The following PLAGL1 variants were observed in gnomAD, a reference collection of about 807,000 sequenced individuals.
The protein encoded by PLAGL1 is PLAG1 like zinc finger 1.
In PLAGL1, 1 loss-of-function variant was observed where a neutral mutation model predicts 4.6. The observed-to-expected ratio is 0.22, with a 90% confidence interval of 0.08 to 1.03. The LOEUF is 1.03. PLAGL1 is among the 50% of genes least tolerant of loss of function. The pLI is 0.58. For missense variants in PLAGL1, 464 were observed against 570.4 expected (o/e 0.81, Z 1.90); for synonymous variants, 240 against 237.8 (o/e 1.01, Z -0.08).
chr6:143,992,315 C>G (rs1344655995), intron 1 of PLAGL1, among the ~76,000 whole-genome samples: 1 of 152,150 alleles, frequency 6.6e-6, no homozygotes, highest in Non-Finnish European at 1.5e-5. Flanking sequence ...AAAGGTGGTA[C>G]AATCACAGGC....
Position 144,034,477 on chromosome 6 carries a change from A to C in PLAGL1, c.-151+29991T>G, listed in dbSNP as rs568305651. Among the ~76,000 whole-genome samples, 21 of 152,342 alleles carry C rather than the reference A, an allele frequency of 1.4e-4. 1 individual carries two copies. The South Asian group carries it at 4.3e-3, about 32-fold the overall frequency. On this transcript the variant is annotated intron_variant, in intron 1 of 3. Coordinates refer to the PLAGL1 transcript ENST00000437412. The surrounding 1 kb of genome is among the most constrained non-coding windows in gnomAD (Gnocchi z 4.7). ...CTTTTAGTGTTTGTTTCTCTTCAAG[A>C]AAATAAAACACTTATTTGTTTCCTT...
At chr6:144,044,142 GA>G (rs1364879480) in intron 1 of PLAGL1, among the ~76,000 whole-genome samples, 4 of 152,060 alleles carry the variant, frequency 2.6e-5, no homozygotes, top group Non-Finnish European at 5.9e-5. Context: ...TGGATTCATT[GA>G]TTTTTTTGAA....
Position 144,036,270 on chromosome 6 carries a change from A to T in PLAGL1, c.-151+28198T>A, listed in dbSNP as rs566791505. On this transcript the variant is annotated intron_variant, in intron 1 of 3. Coordinates refer to the PLAGL1 transcript ENST00000437412. The surrounding 1 kb of genome is among the most constrained non-coding windows in gnomAD (Gnocchi z 5.1). ...AGGCTATTTCATCTTTGCCAGTTTC[A>T]TTTTAGGAAACACAAGCCTTATAAC... Among the ~76,000 whole-genome samples, 2 of 152,262 alleles carry T rather than the reference A, an allele frequency of 1.3e-5. No individual in the cohort carries two copies. Among genetic ancestry groups the T allele is most frequent in the Non-Finnish European group, 2.9e-5 (2 of 68,008 alleles).
chr6:143,993,944 C>T (rs1791098171), intron 1 of PLAGL1, among the ~76,000 whole-genome samples: 1 of 152,068 alleles, frequency 6.6e-6, no homozygotes, highest in African/African-American at 2.4e-5. Context: ...TTAAAACGAT[C>T]CTTTGGCCCC....
In PLAGL1 at chr6:143,955,889, T is replaced by C. The variant is rs1218145414; in HGVS notation, c.-325+4580A>G. On this transcript the variant is annotated intron_variant, in intron 6 of 7. Transcript: ENST00000674357. This position sits in a 1 kb window ranked among gnomAD's most constrained non-coding sequence, Gnocchi z 4.9. ...GTAAACAGAATAACTGGATTAGGAC[T>C]GAGGTTAGGGGAAAGAGGGAATGGT... Among the ~76,000 whole-genome samples the C allele has an allele frequency of 6.6e-6, 1 of 152,066 alleles. No homozygotes were observed. Among genetic ancestry groups the C allele is most frequent in the Admixed American group, 6.5e-5 (1 of 15,280 alleles).
intron 1 of PLAGL1, among the ~76,000 whole-genome samples, chr6:144,014,831 C>T (rs961165838): frequency 1.4e-4 from 21 of 152,082 alleles, no homozygotes; most frequent in Admixed American, 3.9e-4. Context: ...CTGAGCACCT[C>T]GGCCTCCCAA....
chr6:144,009,926 C>G (rs11759634), upstream of PLAGL1, among the ~76,000 whole-genome samples: 4 of 152,146 alleles, frequency 2.6e-5, no homozygotes, highest in Admixed American at 2.6e-4. Context: ...CACCAATGGC[C>G]ATTTGGGTTG....
chr6:144,027,234 CGAAAGAAAG>C lies in PLAGL1; in HGVS notation c.-151+37225_-151+37233del, dbSNP rs1195796003. Among the ~76,000 whole-genome samples, 1 of 111,632 alleles carries C rather than the reference CGAAAGAAAG, an allele frequency of 9.0e-6. No individual in the cohort carries two copies. Among genetic ancestry groups the C allele is most frequent in the East Asian group, 2.4e-4 (1 of 4,220 alleles). The allele number at this position is 111,632 out of a possible 152,430, so 73.2% of individuals were successfully genotyped here. ...GAAAGACCCCAACTCAAAGAACGAA[CGAAAGAAAG>C]AAAGAAAGAAAGAAAGAAAGAAAGA... is the stretch of plus-strand genomic sequence containing the variant. On this transcript the variant is annotated intron_variant, in intron 1 of 3. Coordinates refer to the PLAGL1 transcript ENST00000437412. The surrounding 1 kb of genome is among the most constrained non-coding windows in gnomAD (Gnocchi z 5.8).
At position 144,013,574 on chromosome 6, in the gene PLAGL1, A is replaced by G. The variant is rs139978452; in HGVS notation, c.-150-44596T>C. ...CCGAAAGGCCAGAAGTCTGAAATCA[A>G]GATATCAGCAAAGGCCGCAGGCGCC... On this transcript the variant is annotated intron_variant, in intron 1 of 3. Transcript: ENST00000437412. The surrounding 1 kb of genome is among the most constrained non-coding windows in gnomAD (Gnocchi z 4.4). Among the ~76,000 whole-genome samples, 718 of 152,386 alleles carry G rather than the reference A, an allele frequency of 4.7e-3. 1 individual carries two copies. The highest frequency in any genetic ancestry group is 9.0e-3 in the Non-Finnish European group (609 of 68,036).
intron 1 of PLAGL1, among the ~76,000 whole-genome samples, chr6:143,992,169 C>T (rs560110718): frequency 1.8e-4 from 27 of 152,224 alleles, no homozygotes; most frequent in Non-Finnish European, 3.8e-4. Context: ...AACTCTACCC[C>T]CGTATAGTTA....
At chr6:144,049,700 A>G (rs1798441123) in intron 1 of PLAGL1, among the ~76,000 whole-genome samples, 2 of 152,326 alleles carry the variant, frequency 1.3e-5, no homozygotes, top group South Asian at 2.1e-4. Context: ...CTCCCTAGAC[A>G]TGTAGGGATT....
At position 143,961,601 on chromosome 6, in the gene PLAGL1, T is replaced by C. The variant is rs1472495681; in HGVS notation, c.-398-1059A>G. Among the ~76,000 whole-genome samples, 1 of 152,200 alleles carries C rather than the reference T, an allele frequency of 6.6e-6. No homozygotes were observed. Among genetic ancestry groups the C allele is most frequent in the Non-Finnish European group, 1.5e-5 (1 of 68,028 alleles). ...TATTTGCCTGAGTCATTTAGGGAAATTGTTTCCAACATATTCCTTGTTTTG... is the reference window on the plus strand; with the variant it reads ...TATTTGCCTGAGTCATTTAGGGAAACTGTTTCCAACATATTCCTTGTTTTG... On this transcript the variant is annotated intron_variant, in intron 5 of 7. Coordinates refer to ENST00000674357, the MANE Select transcript of PLAGL1 (RefSeq NM_001317162.2). The surrounding 1 kb of genome is among the most constrained non-coding windows in gnomAD (Gnocchi z 6.5).
At position 143,971,974 on chromosome 6, in the gene PLAGL1, C is replaced by G. The variant is rs180719035; in HGVS notation, c.-543-2996G>C. 6.7e-4 allele frequency among the ~76,000 whole-genome samples: 102 copies of G among 152,360 alleles called. 1 individual carries two copies. The highest frequency in any genetic ancestry group is 1.3e-3 in the Non-Finnish European group (87 of 68,036). ...AGAAAAATGCCACACACTGGTGATG[C>G]TTCCTTCTAGAGGCTGTGGACTGCC... On this transcript the variant is annotated intron_variant, in intron 2 of 7. Coordinates refer to ENST00000674357, the MANE Select transcript of PLAGL1 (RefSeq NM_001317162.2). This position sits in a 1 kb window ranked among gnomAD's most constrained non-coding sequence, Gnocchi z 4.7.
chr6:144,062,249 C>T (rs1799469622), intron 1 of PLAGL1, among the ~76,000 whole-genome samples: 2 of 151,828 alleles, frequency 1.3e-5, no homozygotes, highest in African/African-American at 2.4e-5. Flanking sequence ...AGGAGGCACG[C>T]GCCTGTAGTC....
chr6:144,051,664 A>T (rs936319703), intron 1 of PLAGL1, among the ~76,000 whole-genome samples: 12 of 152,222 alleles, frequency 7.9e-5, no homozygotes, highest in Admixed American at 5.9e-4. Context: ...GGTTTAATGG[A>T]CTTACAGTTC....
In PLAGL1 at chr6:143,948,199, C is replaced by T. The variant is rs1387542189; in HGVS notation, c.-63G>A. 8 of 1,489,446 alleles carry T rather than the reference C, an allele frequency of 5.4e-6. No individual in the cohort carries two copies. Among genetic ancestry groups the T allele is most frequent in the Admixed American group, 3.4e-5 (2 of 58,758 alleles). The allele number at this position is 1,489,446 out of a possible 1,614,324, so 92.3% of individuals were successfully genotyped here. A position where few individuals can be genotyped will look rare whatever the true frequency, so the allele number is the denominator to read the frequency against. ...GACCAAATGCTGTGCCATTTAAGCA[C>T]AAACAGAACGATGGTGCTGGGCACA... On this transcript the variant is annotated 5_prime_UTR_variant, in exon 7 of 8. It adds an upstream start codon to the 5' untranslated region. Transcript: ENST00000674357. This position sits in a 1 kb window ranked among gnomAD's most constrained non-coding sequence, Gnocchi z 6.0.
chr6:143,952,471 T>TGAGA lies in PLAGL1; in HGVS notation c.-324-4012_-324-4011insTCTC, dbSNP rs35662431. Among the ~76,000 whole-genome samples the TGAGA allele has an allele frequency of 6.8e-5, 1 of 14,696 alleles. No homozygotes were observed. The allele number at this position is 14,696 out of a possible 152,430, so 9.6% of individuals were successfully genotyped here. A position where few individuals can be genotyped will look rare whatever the true frequency, so the allele number is the denominator to read the frequency against. On this transcript the variant is annotated intron_variant, in intron 6 of 7. Transcript: ENST00000674357. The surrounding 1 kb of genome is among the most constrained non-coding windows in gnomAD (Gnocchi z 6.1). The stretch of plus-strand genomic sequence containing the variant: ...TCAGTCCCCTTGATTCTAAAAATAC[T>TGAGA]GAGTGATACAGATCTGCCAGTATGC...
At position 144,055,780 on chromosome 6, in the gene PLAGL1, G is replaced by A. The variant is rs564104038; in HGVS notation, c.-151+8688C>T. On this transcript the variant is annotated intron_variant, in intron 1 of 3. Coordinates refer to the PLAGL1 transcript ENST00000437412. This position sits in a 1 kb window ranked among gnomAD's most constrained non-coding sequence, Gnocchi z 5.0. Reference sequence around the variant, plus strand: ...TGAAAGCTACATTTACATTATTAACGATAACAAGTCCTGGAAGAAAGAACC... The same window carrying A: ...TGAAAGCTACATTTACATTATTAACAATAACAAGTCCTGGAAGAAAGAACC... Among the ~76,000 whole-genome samples the A allele has an allele frequency of 7.2e-5, 11 of 152,208 alleles. No individual in the cohort carries two copies. The highest frequency in any genetic ancestry group is 2.1e-4 in the South Asian group (1 of 4,824).
rs759072395 is a variant in PLAGL1 at position 143,989,190 on chromosome 6, G to T, written c.-583-4016C>A. ...GGGTGCCCCAGGGGACATTAAAAAC[G>T]CACAGAAACAATAGAGTGGAAAGGC... On this transcript the variant is annotated intron_variant, in intron 1 of 7. Coordinates refer to ENST00000674357, the MANE Select transcript of PLAGL1 (RefSeq NM_001317162.2). This position sits in a 1 kb window ranked among gnomAD's most constrained non-coding sequence, Gnocchi z 4.8. 6.6e-6 allele frequency among the ~76,000 whole-genome samples: 1 copy of T among 152,276 alleles called. No homozygotes were observed. Among genetic ancestry groups the T allele is most frequent in the South Asian group, 2.1e-4 (1 of 4,822 alleles).
Sources: allele counts gnomAD v4.1 joint callset (sites outside exome capture counted in the v4.1 genomes callset), GRCh38; gene constraint gnomAD v4.1.1; non-coding constraint Gnocchi (gnomAD v3.1); transcripts MANE v1.5; gene names NCBI Gene and HGNC (gene_info 2026-07-23, HGNC 2026-07-21).